The following PDE10A variants were observed in gnomAD, a reference collection of about 807,000 sequenced individuals.
PDE10A encodes the protein cAMP and cAMP-inhibited cGMP 3',5'-cyclic phosphodiesterase 10A.
Under a neutral mutation model 97.7 loss-of-function variants are expected in PDE10A, and 39 were observed. That is an observed-to-expected ratio of 0.40 (90% CI 0.31 to 0.52). The LOEUF (loss-of-function observed/expected upper bound fraction) is 0.52. Among genes scored for constraint, PDE10A ranks in the 20% least tolerant of loss-of-function variants. PDE10A has a pLI of 0.56. For missense variants in PDE10A, 731 were observed against 1,047.8 expected, an observed-to-expected ratio of 0.70 and a Z score of 4.17; for synonymous variants, 371 against 376.8, an observed-to-expected ratio of 0.98 and a Z score of 0.18.
At chr6:165,745,702 A>G (rs1792827795) in intron 1 of PDE10A, among the ~76,000 whole-genome samples, 1 of 152,216 alleles carries the variant, frequency 6.6e-6, no homozygotes, top group Admixed American at 6.5e-5. Context: ...AAAGGTTTTC[A>G]CAACTCTGAG....
At chr6:165,796,189 G>A (rs1778827066) in intron 1 of PDE10A, among the ~76,000 whole-genome samples, 2 of 134,328 alleles carry the variant, frequency 1.5e-5, no homozygotes, top group South Asian at 2.6e-4. Context: ...TCCGCCTCCC[G>A]AGTTCACGCC....
At chr6:165,543,631 T>C (rs912286228) in intron 1 of PDE10A, 63 bp from the exon 2 acceptor site, 2 of 1,326,158 alleles carry the variant, frequency 1.5e-6, no homozygotes, top group Non-Finnish European at 2.1e-6. Context: ...ATGAAAGGTA[T>C]AGTATCACAA....
At chr6:165,528,120 C>A (rs934243038) in intron 2 of PDE10A, among the ~76,000 whole-genome samples, 1 of 152,160 alleles carries the variant, frequency 6.6e-6, no homozygotes, top group Non-Finnish European at 1.5e-5. Context: ...GGTGGATGGT[C>A]AGGGACTTGG....
chr6:165,421,491 T>C (rs374846473), intron 10 of PDE10A, among the ~76,000 whole-genome samples: 2 of 152,232 alleles, frequency 1.3e-5, no homozygotes, highest in African/African-American at 4.8e-5. Flanking sequence ...TGATAAAAAC[T>C]TTAGTAAAAT....
At chr6:165,659,607 A>G (rs1037754892) in intron 1 of PDE10A, among the ~76,000 whole-genome samples, 1 of 152,206 alleles carries the variant, frequency 6.6e-6, no homozygotes, top group Non-Finnish European at 1.5e-5. Flanking sequence ...TACCTCAGTC[A>G]TGTCCCAAAT....
intron 1 of PDE10A, among the ~76,000 whole-genome samples, chr6:165,924,441 G>C (rs76197788): frequency 0.046 from 6,967 of 152,044 alleles, 228 homozygotes; most frequent in Middle Eastern, 0.075. Context: ...CTGCCTCTGT[G>C]GTACAATTCA....
At chr6:165,501,586 A>AAG (rs2128295106) in intron 2 of PDE10A, among the ~76,000 whole-genome samples, 1 of 152,228 alleles carries the variant, frequency 6.6e-6, no homozygotes, top group African/African-American at 2.4e-5. Flanking sequence ...AAAAAAAAAA[A>AAG]AGTCCTGAGG....
At chr6:165,426,018 C>G (rs536470516) in intron 10 of PDE10A, among the ~76,000 whole-genome samples, 1 of 151,558 alleles carries the variant, frequency 6.6e-6, no homozygotes, top group South Asian at 2.1e-4. Flanking sequence ...TCAAAAAACA[C>G]AAAACACCAT....
At chr6:165,421,668 T>C (rs1316272560) in intron 10 of PDE10A, among the ~76,000 whole-genome samples, 1 of 152,138 alleles carries the variant, frequency 6.6e-6, no homozygotes, top group Non-Finnish European at 1.5e-5. Context: ...AAGAAGAACA[T>C]GTGAGGTATA....
At chr6:165,475,574 A>C (rs917620320) in intron 3 of PDE10A, among the ~76,000 whole-genome samples, 6 of 152,208 alleles carry the variant, frequency 3.9e-5, no homozygotes, top group African/African-American at 1.4e-4. Context: ...CTTCCCAAGA[A>C]AATTACACTG....
chr6:165,470,227 A>G (rs1329697354), intron 3 of PDE10A, among the ~76,000 whole-genome samples: 1 of 152,196 alleles, frequency 6.6e-6, no homozygotes, highest in Non-Finnish European at 1.5e-5. Context: ...GAGTTTCAAC[A>G]GGAGACTTGT....
intron 1 of PDE10A, among the ~76,000 whole-genome samples, chr6:165,965,115 G>T (rs147188537): frequency 1.3e-5 from 2 of 152,368 alleles, no homozygotes; most frequent in African/African-American, 4.8e-5. Context: ...GCAATATAGA[G>T]ATTGTATTTT....
At chr6:165,579,222 G>C (rs1305291794) in intron 1 of PDE10A, among the ~76,000 whole-genome samples, 1 of 152,188 alleles carries the variant, frequency 6.6e-6, no homozygotes, top group Non-Finnish European at 1.5e-5. Context: ...ATGGAAACAT[G>C]CAAGATTTAA....
At chr6:165,482,976 G>A (rs764717399) in intron 2 of PDE10A, among the ~76,000 whole-genome samples, 1 of 152,122 alleles carries the variant, frequency 6.6e-6, no homozygotes, top group Non-Finnish European at 1.5e-5. Flanking sequence ...CTCCCACTGG[G>A]GCTGGCTACA....
chr6:165,694,186 A>ATCTGC (rs1791383567), intron 1 of PDE10A, among the ~76,000 whole-genome samples: 1 of 152,218 alleles, frequency 6.6e-6, no homozygotes, highest in Non-Finnish European at 1.5e-5. Flanking sequence ...ATCATAAGTT[A>ATCTGC]ATTAGATGCA....
At chr6:165,898,331 C>A (rs1562788527) in intron 1 of PDE10A, among the ~76,000 whole-genome samples, 1 of 152,130 alleles carries the variant, frequency 6.6e-6, no homozygotes, top group Admixed American at 6.5e-5. Context: ...AACCGCACAA[C>A]GCAGCACCTG....
chr6:165,526,056 AG>A (rs1375699192), intron 2 of PDE10A, among the ~76,000 whole-genome samples: 1 of 152,208 alleles, frequency 6.6e-6, no homozygotes, highest in Non-Finnish European at 1.5e-5. Context: ...CCCTTGAAGA[AG>A]GACCCCACTA....
At chr6:165,857,698 C>CGTGTGTGTGT (rs775208021) in intron 1 of PDE10A, among the ~76,000 whole-genome samples, 56 of 123,524 alleles carry the variant, frequency 4.5e-4, no homozygotes, top group East Asian at 2.7e-3. Context: ...TCAACAGTTC[C>CGTGTGTGTGT]GTGTGTGTGT....
intron 2 of PDE10A, among the ~76,000 whole-genome samples, chr6:165,541,363 T>A (rs1783427274): frequency 6.6e-6 from 1 of 152,152 alleles, no homozygotes; most frequent in African/African-American, 2.4e-5. Context: ...AGAGTTTCAG[T>A]TACACACTGC....
Sources: gnomAD v4.1 joint callset for allele counts (sites outside exome capture counted in the v4.1 genomes callset) on GRCh38, gnomAD v4.1.1 for gene constraint, MANE v1.5 for transcripts, NCBI Gene and HGNC (gene_info 2026-07-23, HGNC 2026-07-21) for gene names.